Variants in CUBN observed in about 807,000 individuals in gnomAD.
CUBN encodes cubilin, also known as 460 kDa receptor.
In CUBN, 282 loss-of-function variants were observed where a neutral mutation model predicts 405.3. The ratio of observed to expected loss-of-function variants is 0.70; its 90% CI spans 0.63 to 0.77. CUBN has a LOEUF of 0.77. Among genes scored for constraint, CUBN ranks in the 30% least tolerant of loss-of-function variants. The probability of loss-of-function intolerance (pLI) is 0.00; values close to 1 mark genes in which losing one functional copy is unlikely to be tolerated. For missense variants in CUBN, 4,514 were observed against 4,475.2 expected (o/e 1.01, Z -0.25); for synonymous variants, 1,684 against 1,617.0 (o/e 1.04, Z -0.99).
At chr10:16,958,732 C>A (rs1588520523) in intron 31 of CUBN, among the ~76,000 whole-genome samples, 1 of 152,202 alleles carries the variant, frequency 6.6e-6, no homozygotes, top group East Asian at 1.9e-4. Context: ...TCCAAGTTCA[C>A]ATCACTAGTG....
At position 16,835,076 on chromosome 10, in the gene CUBN, A is replaced by G; in HGVS notation, c.10300T>C (p.Ser3434Pro). 6.2e-7 allele frequency: 1 copy of G among 1,614,164 alleles called. No homozygotes were observed. The highest frequency in any genetic ancestry group is 8.5e-7 in the Non-Finnish European group (1 of 1,180,018). ...ATGCCAAGTGAATGAAAAAAGAGGGAAATGGTGTGGTTCTGGGGGGCTGTG... is the reference window on the plus strand; with the variant it reads ...ATGCCAAGTGAATGAAAAAAGAGGGGAATGGTGTGGTTCTGGGGGGCTGTG... Reference protein sequence around the residue: ...TLTAPQNHTISLFFHSLGIEN... With the variant: ...TLTAPQNHTIPLFFHSLGIEN... The change falls in exon 64 of 67, where the codon TCC becomes CCC. Residue 3434 changes from serine to proline, a missense_variant. Around this residue, in one of 5 missense-constraint regions of CUBN, gnomAD observed 1,186 missense variants for 1,186.9 expected, o/e 1.00. Coordinates refer to ENST00000377833, the MANE Select transcript of CUBN (RefSeq NM_001081.4).
intron 50 of CUBN, 51 bp from the exon 51 acceptor site, chr10:16,904,166 T>C: frequency 6.5e-7 from 1 of 1,549,962 alleles, no homozygotes; most frequent in Non-Finnish European, 8.9e-7. Context: ...TTTTGAGAAA[T>C]ACATTCAATG....
In CUBN at chr10:17,065,503, G is replaced by C. The variant is rs761535943; in HGVS notation, c.3139+5C>G. 6.2e-7 allele frequency: 1 copy of C among 1,612,964 alleles called. No homozygotes were observed. Among genetic ancestry groups the C allele is most frequent in the Admixed American group, 1.7e-5 (1 of 59,982 alleles). On this transcript the variant is annotated splice_donor_5th_base_variant and intron_variant, in intron 22 of 66. Transcript: ENST00000377833. Reference sequence around the variant, plus strand: ...AAAACCGAGTATGCAATGCTGTTTTGTTACCTGTTGCTGCACTGATTGCTT... The same window carrying C: ...AAAACCGAGTATGCAATGCTGTTTTCTTACCTGTTGCTGCACTGATTGCTT...
chr10:17,044,233 A>G (rs1835074664), intron 25 of CUBN, among the ~76,000 whole-genome samples: 1 of 146,272 alleles, frequency 6.8e-6, no homozygotes, highest in African/African-American at 2.5e-5. Flanking sequence ...TGCATTAAAT[A>G]CATATATTTA....
In CUBN at chr10:17,100,280, T is replaced by C. The variant is rs199748640; in HGVS notation, c.1531-41A>G. ...CCACATATATTATCTTTTACTTCCA[T>C]GTAAATTTTAAAGTATTTCTCCCAC... On this transcript the variant is annotated intron_variant, in intron 13 of 66. Transcript: ENST00000377833. 2.5e-5 allele frequency: 34 copies of C among 1,355,754 alleles called. No individual in the cohort carries two copies. The African/African-American group carries it at 3.2e-4, about 13-fold the overall frequency. 84.0% of individuals were successfully genotyped at this position (1,355,754 alleles called of 1,614,324 possible).
At position 16,952,402 on chromosome 10, in the gene CUBN, C is replaced by A. The variant is rs1842946070; in HGVS notation, c.4856-13G>T. 1.5e-5 allele frequency: 21 copies of A among 1,436,894 alleles called. No individual in the cohort carries two copies. Among genetic ancestry groups the A allele is most frequent in the Non-Finnish European group, 2.0e-5 (20 of 1,018,726 alleles). 89.0% of individuals were successfully genotyped at this position (1,436,894 alleles called of 1,614,324 possible). ...TGGCCTCCGCAGGCTGGGGAACACA[C>A]AAACACACATACATGTCATATGCTT... On this transcript the variant is annotated splice_polypyrimidine_tract_variant and intron_variant, in intron 32 of 66. Transcript: ENST00000377833.
At chr10:17,016,560 G>T (rs544214609) in intron 28 of CUBN, among the ~76,000 whole-genome samples, 146 of 152,254 alleles carry the variant, frequency 9.6e-4, no homozygotes, top group African/African-American at 3.2e-3. Context: ...TACCTATCAG[G>T]ATCATCTGAA....
intron 51 of CUBN, among the ~76,000 whole-genome samples, chr10:16,902,653 A>T (rs1039851994): frequency 2.0e-5 from 3 of 152,196 alleles, no homozygotes; most frequent in East Asian, 1.9e-4. Flanking sequence ...ACACAAAGGA[A>T]TGTTAGATAA....
intron 31 of CUBN, among the ~76,000 whole-genome samples, chr10:16,961,322 T>A (rs568648072): frequency 2.0e-5 from 3 of 152,300 alleles, no homozygotes; most frequent in South Asian, 2.1e-4. Context: ...CACCTCAGCC[T>A]CCCAAAGTGC....
Position 16,984,258 on chromosome 10 carries a change from G to A in CUBN, c.4372C>T (p.His1458Tyr). ...VLEIYGGPDFHSPRIAQLCTQ... is the reference protein window; with the variant it reads ...VLEIYGGPDFYSPRIAQLCTQ... Reference sequence around the variant, plus strand: ...CACAGTTGGGCTATTCTGGGAGAGTGGAAATCGGGGCCTCCATAGATCTAA... The same window carrying A: ...CACAGTTGGGCTATTCTGGGAGAGTAGAAATCGGGGCCTCCATAGATCTAA... Residue 1458 changes from histidine (H) to tyrosine (Y), a missense_variant, in exon 30 of 67, where the codon CAC (histidine) becomes TAC (tyrosine). By Grantham distance (83) the His-to-Tyr change is moderately conservative. Transcript: ENST00000377833. 1.9e-6 allele frequency: 3 copies of A among 1,614,058 alleles called. No individual in the cohort carries two copies. Among genetic ancestry groups the A allele is most frequent in the Non-Finnish European group, 2.5e-6 (3 of 1,180,018 alleles).
chr10:17,105,321 C>T (rs939220235), intron 11 of CUBN, 136 bp downstream of exon 11: 52 of 745,046 alleles, frequency 7.0e-5, no homozygotes, highest in Non-Finnish European at 1.1e-4. Flanking sequence ...TATCTTTCAT[C>T]TGAGAGTTCT....
chr10:16,906,148 AG>A, intron 50 of CUBN, 54 bp downstream of exon 50: 3 of 1,382,928 alleles, frequency 2.2e-6, no homozygotes, highest in South Asian at 1.2e-5. Context: ...ACAACAAAAA[AG>A]ATAAAAAGAA....
At chr10:17,080,976 T>A (rs1455117864) in intron 17 of CUBN, among the ~76,000 whole-genome samples, 1 of 152,206 alleles carries the variant, frequency 6.6e-6, no homozygotes, top group Non-Finnish European at 1.5e-5. Flanking sequence ...GTAATGTATA[T>A]CTTTAAAAGT....
intron 20 of CUBN, 120 bp downstream of exon 20, chr10:17,068,481 TTGTC>T: frequency 1.1e-6 from 1 of 950,446 alleles, no homozygotes; most frequent in African/African-American, 1.7e-5. Flanking sequence ...TATACATTCT[TTGTC>T]TTTGAGTGTA....
intron 65 of CUBN, 59 bp from the exon 66 acceptor site, chr10:16,829,099 C>A: frequency 7.8e-7 from 1 of 1,283,062 alleles, no homozygotes; most frequent in Non-Finnish European, 1.1e-6. Flanking sequence ...TCCAGTCTGG[C>A]TTGTTAGGCA....
intron 28 of CUBN, among the ~76,000 whole-genome samples, chr10:17,008,142 C>A (rs922520068): frequency 6.6e-6 from 1 of 151,944 alleles, no homozygotes; most frequent in Non-Finnish European, 1.5e-5. Context: ...TAGAATGACA[C>A]CTCGTCTCAA....
chr10:17,006,846 G>T (rs1446339023), intron 28 of CUBN, among the ~76,000 whole-genome samples: 1 of 152,110 alleles, frequency 6.6e-6, no homozygotes, highest in Non-Finnish European at 1.5e-5. Flanking sequence ...AGATAAAATG[G>T]ACCCAGCCCC....
At chr10:17,067,995 A>T in intron 21 of CUBN, 69 bp downstream of exon 21, 1 of 1,287,952 alleles carries the variant, frequency 7.8e-7, no homozygotes, top group Non-Finnish European at 1.1e-6. Flanking sequence ...GGTCAATTTT[A>T]AGATCCTTCA....
chr10:16,924,115 G>A (rs1842116055), intron 43 of CUBN, among the ~76,000 whole-genome samples: 1 of 152,036 alleles, frequency 6.6e-6, no homozygotes, highest in Non-Finnish European at 1.5e-5. Flanking sequence ...AAACAAAAGA[G>A]TAGAGTTATG....
Sources: gnomAD v4.1 joint callset for allele counts (sites outside exome capture counted in the v4.1 genomes callset) on GRCh38, gnomAD v4.1.1 for gene constraint, gnomAD v4.1.1 regional missense constraint, MANE v1.5 for transcripts, NCBI Gene and HGNC (gene_info 2026-07-23, HGNC 2026-07-21) for gene names.